VWF: variants seen among roughly 807,000 people sequenced by gnomAD.
VWF encodes the protein von Willebrand factor.
In VWF, 176 loss-of-function variants were observed where a neutral mutation model predicts 308.6. The observed-to-expected ratio is 0.57, with a 90% CI of 0.50 to 0.65. The LOEUF is 0.65. VWF is among the 30% of genes least tolerant of loss of function. The pLI is 0.00. For missense variants in VWF, 3,146 were observed against 3,648.2 expected, an observed-to-expected ratio of 0.86 and a Z score of 3.55; for synonymous variants, 1,385 against 1,443.4, an observed-to-expected ratio of 0.96 and a Z score of 0.92.
chr12:6,103,496 A>G (rs1001372475), intron 5 of VWF, among the ~76,000 whole-genome samples: 6 of 123,636 alleles, frequency 4.9e-5, no homozygotes, highest in Admixed American at 7.6e-5. Context: ...ATATGTGTAT[A>G]CACACACGTA....
Position 6,060,010 on chromosome 12 carries a change from C to T in VWF, c.1534-1966G>A, listed in dbSNP as rs1269396944. On this transcript the variant is annotated intron_variant, in intron 13 of 51. Coordinates refer to ENST00000261405, the MANE Select transcript of VWF (RefSeq NM_000552.5). This position sits in a 1 kb window ranked among gnomAD's most constrained non-coding sequence, Gnocchi z 5.1. ...CAAAGGCGTTTTCATTCACCCCCAC[C>T]AAGCCAGCCATCACTCCCATGTCCC... Among the ~76,000 whole-genome samples, 1 of 152,016 alleles carries T rather than the reference C, an allele frequency of 6.6e-6. No homozygotes were observed. The highest frequency in any genetic ancestry group is 2.1e-4 in the South Asian group (1 of 4,814).
intron 43 of VWF, 41 bp downstream of exon 43, chr12:5,976,070 C>G: frequency 6.2e-7 from 1 of 1,612,700 alleles, no homozygotes; most frequent in Non-Finnish European, 8.5e-7. Flanking sequence ...TACTTTCCCG[C>G]TCTGATAGCT....
intron 6 of VWF, among the ~76,000 whole-genome samples, chr12:6,081,642 T>C (rs1177569386): frequency 6.6e-6 from 1 of 151,896 alleles, no homozygotes; most frequent in East Asian, 1.9e-4. Context: ...CTGGCCTAAG[T>C]CAGTGGTTCT....
rs1944833730 is a variant in VWF at position 6,075,584 on chromosome 12, T to C, written c.658-33A>G. 6.3e-7 allele frequency: 1 copy of C among 1,595,330 alleles called. No homozygotes were observed. Among genetic ancestry groups the C allele is most frequent in the African/African-American group, 1.3e-5 (1 of 74,442 alleles). On this transcript the variant is annotated intron_variant, in intron 6 of 51. Transcript: ENST00000261405. This position sits in a 1 kb window ranked among gnomAD's most constrained non-coding sequence, Gnocchi z 4.7. ...AAGAGGGGCCGCCTCAGCGGTATGC[T>C]CCGTTAGTGTCTCCCTGAGTGTGGC...
chr12:5,953,350 C>A, intron 48 of VWF, 146 bp downstream of exon 48: 2 of 669,492 alleles, frequency 3.0e-6, no homozygotes, highest in Middle Eastern at 4.0e-4. Flanking sequence ...AATAAGTCAT[C>A]TATCTTTTCT....
chr12:6,052,852 T>C (rs912254975), intron 15 of VWF, 69 bp from the exon 16 acceptor site: 1 of 1,564,076 alleles, frequency 6.4e-7, no homozygotes, highest in Admixed American at 1.9e-5. Flanking sequence ...TTCTAGGACT[T>C]GCCACCCCTT....
chr12:6,090,179 A>G (rs977152700), intron 6 of VWF, among the ~76,000 whole-genome samples: 2 of 151,942 alleles, frequency 1.3e-5, no homozygotes, highest in Non-Finnish European at 2.9e-5. Flanking sequence ...GGATGGTCTC[A>G]ATCTCCTGAC....
At chr12:6,097,419 G>A (rs1404302239) in intron 5 of VWF, among the ~76,000 whole-genome samples, 1 of 152,094 alleles carries the variant, frequency 6.6e-6, no homozygotes, top group Non-Finnish European at 1.5e-5. Context: ...CCTGGTGACA[G>A]AGCATGACTC....
At position 6,034,721 on chromosome 12, in the gene VWF, C is replaced by G; in HGVS notation, c.2652G>C (p.Leu884=). 2.5e-6 allele frequency: 4 copies of G among 1,614,144 alleles called. No homozygotes were observed. Among genetic ancestry groups the G allele is most frequent in the Non-Finnish European group, 3.4e-6 (4 of 1,180,024 alleles). Residue 884 remains leucine (L), a synonymous_variant, in exon 20 of 52, where the codon CTG becomes CTC. Transcript: ENST00000261405. ...HYLTFDGLKY[L]FPGECQYVLV... ...GAACGTACTGGCACTCCCCGGGGAA[C>G]AGGTATTTGAGCCCGTCGAAGGTGA...
intron 6 of VWF, among the ~76,000 whole-genome samples, chr12:6,076,114 C>T (rs1484861473): frequency 1.3e-5 from 2 of 151,974 alleles, no homozygotes; most frequent in Non-Finnish European, 2.9e-5. Flanking sequence ...TGGGGCCAGA[C>T]GGGACCAGTT....
At chr12:6,036,110 C>CA (rs535950167) in intron 19 of VWF, among the ~76,000 whole-genome samples, 32 of 152,206 alleles carry the variant, frequency 2.1e-4, no homozygotes, top group Non-Finnish European at 3.7e-4. Flanking sequence ...TTTCAAAGTC[C>CA]AAAATAATCC....
intron 32 of VWF, 42 bp from the exon 33 acceptor site, chr12:6,012,172 C>G: frequency 6.2e-7 from 1 of 1,611,060 alleles, no homozygotes; most frequent in Non-Finnish European, 8.5e-7. Context: ...CATCTTTCAC[C>G]CAGAAATTCT....
intron 18 of VWF, among the ~76,000 whole-genome samples, chr12:6,039,524 T>G (rs1442004288): frequency 1.3e-5 from 2 of 152,218 alleles, no homozygotes; most frequent in African/African-American, 4.8e-5. Flanking sequence ...GAGAGTGATC[T>G]GATTAAAGCA....
chr12:6,034,859 G>C, intron 19 of VWF, 33 bp from the exon 20 acceptor site: 3 of 1,611,780 alleles, frequency 1.9e-6, no homozygotes, highest in Non-Finnish European at 2.5e-6. Flanking sequence ...TGACAAGTTG[G>C]GCACCTTGGG....
intron 16 of VWF, among the ~76,000 whole-genome samples, chr12:6,047,313 CCTACATGGT>C (rs1944456347): frequency 6.6e-6 from 1 of 152,180 alleles, no homozygotes; most frequent in Admixed American, 6.5e-5. Context: ...TACTCAAACG[CCTACATGGT>C]CTCACTAATG....
intron 47 of VWF, 89 bp downstream of exon 47, chr12:5,967,393 GATTT>G (rs926333904): frequency 8.8e-6 from 9 of 1,020,744 alleles, no homozygotes; most frequent in Middle Eastern, 2.1e-4. Context: ...AATAATGAGA[GATTT>G]ATTTATTTAA....
At chr12:5,960,662 G>A (rs957629389) in intron 47 of VWF, among the ~76,000 whole-genome samples, 30 of 152,146 alleles carry the variant, frequency 2.0e-4, no homozygotes, top group Non-Finnish European at 3.8e-4. Context: ...TTCATCAAAC[G>A]AATGAAAGGT....
intron 34 of VWF, among the ~76,000 whole-genome samples, chr12:6,004,235 A>C (rs1352228055): frequency 1.3e-5 from 2 of 152,208 alleles, no homozygotes; most frequent in East Asian, 3.8e-4. Flanking sequence ...CCACATTATG[A>C]AAATAACAAA....
intron 10 of VWF, among the ~76,000 whole-genome samples, chr12:6,069,121 G>C (rs960960366): frequency 9.2e-5 from 14 of 152,052 alleles, no homozygotes; most frequent in Non-Finnish European, 1.3e-4. Context: ...CTCCCAAAAA[G>C]CTGGGATTAC....
Sources: gnomAD v4.1 joint callset for allele counts (sites outside exome capture counted in the v4.1 genomes callset) on GRCh38, gnomAD v4.1.1 for gene constraint, Gnocchi (gnomAD v3.1) non-coding constraint, MANE v1.5 for transcripts, NCBI Gene and HGNC (gene_info 2026-07-23, HGNC 2026-07-21) for gene names.